PREX2: variants seen among roughly 807,000 people sequenced by gnomAD.
PREX2 encodes the protein phosphatidylinositol 3,4,5-trisphosphate-dependent Rac exchanger 2 protein.
In PREX2, 107 loss-of-function variants were observed where a neutral mutation model predicts 203.2. The ratio of observed to expected loss-of-function variants is 0.53; its 90% confidence interval spans 0.45 to 0.62. The LOEUF (loss-of-function observed/expected upper bound fraction) is 0.62. PREX2 is among the 20% of genes least tolerant of loss of function. The probability of loss-of-function intolerance (pLI) is 0.00; values close to 1 mark genes in which losing one functional copy is unlikely to be tolerated. For synonymous variants in PREX2, 672 were observed against 663.6 expected (o/e 1.01, Z -0.19); for missense variants, 1,777 against 1,955.9 (o/e 0.91, Z 1.72).
At chr8:68,095,593 G>A (rs1382098201) in intron 21 of PREX2, among the ~76,000 whole-genome samples, 2 of 149,764 alleles carry the variant, frequency 1.3e-5, no homozygotes, top group Non-Finnish European at 3.0e-5. Context: ...ATATGTGTGT[G>A]TATATATATA....
chr8:68,217,595 T>C, intron 37 of PREX2, 21 bp from the exon 38 acceptor site: 1 of 1,598,784 alleles, frequency 6.3e-7, no homozygotes, highest in Non-Finnish European at 8.6e-7. Flanking sequence ...GGGTCTGACT[T>C]GCCCTTGCCT....
At chr8:68,190,925 A>G (rs1338706985) in intron 35 of PREX2, among the ~76,000 whole-genome samples, 1 of 152,044 alleles carries the variant, frequency 6.6e-6, no homozygotes, top group Non-Finnish European at 1.5e-5. Context: ...AGCGATAATT[A>G]TTTGGAAATT....
At chr8:68,163,160 C>T (rs1811686889) in intron 35 of PREX2, among the ~76,000 whole-genome samples, 1 of 152,100 alleles carries the variant, frequency 6.6e-6, no homozygotes, top group African/African-American at 2.4e-5. Context: ...AAGATGTGTA[C>T]ACATGTATAC....
At chr8:68,126,038 A>G (rs1374849873) in intron 30 of PREX2, among the ~76,000 whole-genome samples, 1 of 152,040 alleles carries the variant, frequency 6.6e-6, no homozygotes, top group Non-Finnish European at 1.5e-5. Context: ...GTTAGAAGCC[A>G]TTTTTCAGTG....
At chr8:68,168,103 G>GA (rs1192373218) in intron 35 of PREX2, among the ~76,000 whole-genome samples, 1 of 152,122 alleles carries the variant, frequency 6.6e-6, no homozygotes, top group Non-Finnish European at 1.5e-5. Context: ...AGTGTTCCTC[G>GA]AAAATGATAC....
At chr8:68,114,917 G>A (rs570562925) in intron 25 of PREX2, among the ~76,000 whole-genome samples, 2 of 152,040 alleles carry the variant, frequency 1.3e-5, no homozygotes, top group Admixed American at 6.6e-5. Context: ...ATATGAGCCA[G>A]TGAGGACATG....
intron 10 of PREX2, among the ~76,000 whole-genome samples, chr8:68,057,777 G>C (rs970492345): frequency 2.0e-5 from 3 of 152,166 alleles, no homozygotes; most frequent in African/African-American, 7.2e-5. Context: ...TTAGCCACCA[G>C]GGGTCATTTT....
At chr8:68,105,018 G>A in intron 23 of PREX2, 1 of 682,970 alleles carries the variant, frequency 1.5e-6, no homozygotes, top group South Asian at 1.7e-5. Context: ...TGAGTTCAGT[G>A]TTTCCTTTGA....
At chr8:68,175,102 C>T (rs945101143) in intron 35 of PREX2, among the ~76,000 whole-genome samples, 1 of 152,072 alleles carries the variant, frequency 6.6e-6, no homozygotes, top group African/African-American at 2.4e-5. Flanking sequence ...CTGAGATGCC[C>T]GAGGAGCACA....
At chr8:68,202,392 G>T (rs1010198321) in intron 37 of PREX2, among the ~76,000 whole-genome samples, 20 of 152,184 alleles carry the variant, frequency 1.3e-4, no homozygotes, top group African/African-American at 4.6e-4. Flanking sequence ...CTGGGTGAAG[G>T]ATTTGTGACT....
chr8:68,117,847 G>T (rs761812370), intron 26 of PREX2, among the ~76,000 whole-genome samples: 3 of 152,088 alleles, frequency 2.0e-5, no homozygotes, highest in African/African-American at 4.8e-5. Context: ...TAACCAATAA[G>T]TTATGATTTA....
At chr8:68,221,536 A>T (rs1345075699) in intron 38 of PREX2, among the ~76,000 whole-genome samples, 1 of 152,248 alleles carries the variant, frequency 6.6e-6, no homozygotes, top group African/African-American at 2.4e-5. Flanking sequence ...TGACCAATCA[A>T]TTATTAACTA....
chr8:68,158,998 A>G (rs1053344241), intron 35 of PREX2, among the ~76,000 whole-genome samples: 1 of 152,168 alleles, frequency 6.6e-6, no homozygotes, highest in Non-Finnish European at 1.5e-5. Context: ...ACAACAAGAG[A>G]TAGTGGAAAT....
intron 2 of PREX2, 121 bp downstream of exon 2, chr8:68,018,038 A>C: frequency 1.4e-6 from 1 of 716,982 alleles, no homozygotes; most frequent in East Asian, 2.7e-5. Context: ...TTGCTGTTCC[A>C]GTCAGTTGTA....
chr8:68,112,849 G>A (rs548687019), intron 25 of PREX2, among the ~76,000 whole-genome samples: 1 of 152,240 alleles, frequency 6.6e-6, no homozygotes, highest in African/African-American at 2.4e-5. Context: ...TGGTTTTAGA[G>A]ATTAAATGAA....
chr8:68,045,803 G>A (rs190750296), intron 8 of PREX2, among the ~76,000 whole-genome samples: 5 of 152,062 alleles, frequency 3.3e-5, no homozygotes, highest in Admixed American at 1.3e-4. Context: ...AGATACTCCC[G>A]TGCTAACATG....
At chr8:68,157,501 C>A in intron 35 of PREX2, 65 bp downstream of exon 35, 1 of 742,596 alleles carries the variant, frequency 1.3e-6, no homozygotes, top group African/African-American at 1.8e-5. Flanking sequence ...ATTAATAGGA[C>A]TTTTGATGCT....
chr8:68,183,050 G>A (rs979742937), intron 35 of PREX2, among the ~76,000 whole-genome samples: 3 of 151,950 alleles, frequency 2.0e-5, no homozygotes, highest in South Asian at 2.1e-4. Flanking sequence ...TTGAGAGATG[G>A]AATGGGAAGT....
At chr8:68,196,861 C>G (rs556363306) in intron 37 of PREX2, among the ~76,000 whole-genome samples, 244 of 152,218 alleles carry the variant, frequency 1.6e-3, no homozygotes, top group African/African-American at 4.9e-3. Context: ...GCCTACAGAA[C>G]CATGTGCCAA....
Sources: gnomAD v4.1 joint callset for allele counts (sites outside exome capture counted in the v4.1 genomes callset) on GRCh38, gnomAD v4.1.1 for gene constraint, MANE v1.5 for transcripts, NCBI Gene and HGNC (gene_info 2026-07-23, HGNC 2026-07-21) for gene names.